CCDC91: variants seen among roughly 807,000 people sequenced by gnomAD.
The protein encoded by CCDC91 is coiled-coil domain-containing protein 91.
CCDC91 carries 48 observed loss-of-function variants against 63.2 expected under a neutral mutation model. That is an observed-to-expected ratio of 0.76 (90% CI 0.60 to 0.97). The LOEUF is 0.97. Among genes scored for constraint, CCDC91 ranks in the 50% least tolerant of loss-of-function variants. The pLI is 0.00. For synonymous variants in CCDC91, 167 were observed against 165.8 expected, an observed-to-expected ratio of 1.01 and a Z score of -0.06; for missense variants, 500 against 494.6, an observed-to-expected ratio of 1.01 and a Z score of -0.10.
At chr12:28,362,745 G>A (rs566016274) in intron 7 of CCDC91, among the ~76,000 whole-genome samples, 1 of 152,138 alleles carries the variant, frequency 6.6e-6, no homozygotes, top group African/African-American at 2.4e-5. Context: ...TGAGAATATA[G>A]TATCAGCAGG....
intron 12 of CCDC91, among the ~76,000 whole-genome samples, chr12:28,545,260 C>A (rs1217328725): frequency 6.6e-6 from 1 of 151,972 alleles, no homozygotes; most frequent in Admixed American, 6.6e-5. Flanking sequence ...AGTCCCATAC[C>A]TTAAGGAGCA....
At chr12:28,475,878 G>T (rs1457266662) in intron 11 of CCDC91, among the ~76,000 whole-genome samples, 1 of 151,900 alleles carries the variant, frequency 6.6e-6, no homozygotes. Context: ...AATGGACTAA[G>T]ATATCTATTT....
intron 1 of CCDC91, among the ~76,000 whole-genome samples, chr12:28,243,653 A>G (rs565922137): frequency 4.3e-4 from 66 of 152,310 alleles, no homozygotes; most frequent in African/African-American, 1.5e-3. Flanking sequence ...AAAAAGAGAT[A>G]TATAACATAA....
At chr12:28,334,297 C>T (rs1452294168) in intron 6 of CCDC91, among the ~76,000 whole-genome samples, 9 of 151,892 alleles carry the variant, frequency 5.9e-5, no homozygotes, top group South Asian at 4.2e-4. Context: ...CTTCTGGCCT[C>T]GGGCAATTTG....
chr12:28,290,318 T>C (rs1382664575), intron 3 of CCDC91, among the ~76,000 whole-genome samples: 4 of 152,188 alleles, frequency 2.6e-5, no homozygotes, highest in Non-Finnish European at 4.4e-5. Flanking sequence ...ACATAAGGAT[T>C]GTAATCCTTG....
chr12:28,299,975 C>T (rs776747290), intron 3 of CCDC91, among the ~76,000 whole-genome samples: 12 of 151,056 alleles, frequency 7.9e-5, no homozygotes, highest in Non-Finnish European at 1.2e-4. Context: ...AATATTGGCC[C>T]TTATCTGTGA....
chr12:28,369,698 C>G (rs1944490586), intron 7 of CCDC91, among the ~76,000 whole-genome samples: 1 of 152,244 alleles, frequency 6.6e-6, no homozygotes, highest in South Asian at 2.1e-4. Context: ...TAGCAAACTT[C>G]TGCCTCGACA....
At chr12:28,454,331 G>A (rs1278095465) in intron 11 of CCDC91, among the ~76,000 whole-genome samples, 3 of 152,124 alleles carry the variant, frequency 2.0e-5, no homozygotes, top group African/African-American at 4.8e-5. Context: ...CCTAATCAGA[G>A]ATTTTGTGGG....
intron 12 of CCDC91, among the ~76,000 whole-genome samples, chr12:28,527,555 G>A (rs1941369665): frequency 6.6e-6 from 1 of 152,154 alleles, no homozygotes; most frequent in Non-Finnish European, 1.5e-5. Flanking sequence ...GTTGATTAGT[G>A]TGCTATTTTT....
chr12:28,288,782 G>A (rs1592212514), intron 3 of CCDC91, among the ~76,000 whole-genome samples: 1 of 152,278 alleles, frequency 6.6e-6, no homozygotes. Flanking sequence ...TGTACATCTG[G>A]TAGAATTCAG....
chr12:28,340,490 T>G (rs1246512679), intron 6 of CCDC91, among the ~76,000 whole-genome samples: 3 of 152,252 alleles, frequency 2.0e-5, no homozygotes, highest in African/African-American at 7.2e-5. Context: ...ACATTTCTTT[T>G]GCTGTGGTAA....
intron 3 of CCDC91, among the ~76,000 whole-genome samples, chr12:28,285,902 G>T (rs186043067): frequency 6.6e-6 from 1 of 151,696 alleles, no homozygotes; most frequent in African/African-American, 2.4e-5. Flanking sequence ...AAAGCAATTC[G>T]CAAATCATTA....
chr12:28,449,568 A>G (rs1682368187), intron 8 of CCDC91, among the ~76,000 whole-genome samples: 2 of 152,026 alleles, frequency 1.3e-5, no homozygotes, highest in Non-Finnish European at 2.9e-5. Flanking sequence ...TCTGTAGCAC[A>G]TCAAAATAAA....
intron 12 of CCDC91, among the ~76,000 whole-genome samples, chr12:28,499,395 T>G (rs1468526202): frequency 6.6e-6 from 1 of 151,842 alleles, no homozygotes; most frequent in African/African-American, 2.4e-5. Context: ...CTGGGGTACA[T>G]GTGCAGAATG....
At chr12:28,327,072 G>A (rs1941079614) in intron 6 of CCDC91, among the ~76,000 whole-genome samples, 3 of 152,036 alleles carry the variant, frequency 2.0e-5, no homozygotes, top group Admixed American at 6.6e-5. Flanking sequence ...TCTCAAAACC[G>A]GAGCGCTACC....
intron 6 of CCDC91, among the ~76,000 whole-genome samples, chr12:28,361,705 C>T (rs1276288470): frequency 6.6e-6 from 1 of 151,572 alleles, no homozygotes; most frequent in Non-Finnish European, 1.5e-5. Context: ...GATTCCAGTT[C>T]TCTGGTGAAA....
chr12:28,523,355 T>C (rs1273366185), intron 12 of CCDC91, among the ~76,000 whole-genome samples: 1 of 152,196 alleles, frequency 6.6e-6, no homozygotes, highest in Non-Finnish European at 1.5e-5. Flanking sequence ...TTTTGATCTC[T>C]GTTGGTTTAA....
chr12:28,267,870 TA>T lies in CCDC91; in HGVS notation c.109+8430del, dbSNP rs1357255728. ...TTATATAGTAATATATAATTATATA[TA>T]ATTATATATAATTATTATAATTATA... On this transcript the variant is annotated intron_variant, in intron 3 of 12. Transcript: ENST00000536442. 4.5e-4 allele frequency among the ~76,000 whole-genome samples: 28 copies of T among 61,788 alleles called. 2 individuals are homozygous for T. The highest frequency in any genetic ancestry group is 1.8e-3 in the East Asian group (4 of 2,188). The allele number at this position is 61,788 out of a possible 152,430, so 40.5% of individuals were successfully genotyped here. A position where few individuals can be genotyped will look rare whatever the true frequency, so the allele number is the denominator to read the frequency against.
chr12:28,327,942 A>G (rs559685200), intron 6 of CCDC91, among the ~76,000 whole-genome samples: 72 of 152,252 alleles, frequency 4.7e-4, no homozygotes, highest in Admixed American at 3.7e-3. Flanking sequence ...TTAAGGTGAG[A>G]TAGGAATTCA....
Sources: allele counts gnomAD v4.1 joint callset (sites outside exome capture counted in the v4.1 genomes callset), GRCh38; gene constraint gnomAD v4.1.1; transcripts MANE v1.5; gene names NCBI Gene and HGNC (gene_info 2026-07-23, HGNC 2026-07-21).